KIF21B: variants seen among roughly 807,000 people sequenced by gnomAD.
KIF21B encodes the protein kinesin family member 21B.
In KIF21B, 85 loss-of-function variants were observed where a neutral mutation model predicts 192.9. The ratio of observed to expected loss-of-function variants is 0.44; its 90% CI spans 0.37 to 0.53. KIF21B has a LOEUF of 0.53. Among genes scored for constraint, KIF21B ranks in the 20% least tolerant of loss-of-function variants. KIF21B has a pLI of 0.00. For synonymous variants in KIF21B, 832 were observed against 884.6 expected (o/e 0.94, Z 1.05); for missense variants, 1,716 against 2,194.8 (o/e 0.78, Z 4.36).
chr1:201,014,071 C>T (rs1365007319), intron 1 of KIF21B, among the ~76,000 whole-genome samples: 1 of 152,236 alleles, frequency 6.6e-6, no homozygotes, highest in Admixed American at 6.5e-5. Context: ...GGAGGCTGAG[C>T]GGCGGGTAGA....
Position 200,999,838 on chromosome 1 carries a change from C to G in KIF21B, c.1767+45G>C. ...GGGCCCCCGCCAACCCCAGCAGGGACACAAGGCATGCATGTGGTGAGGTGG... is the reference window on the plus strand; with the variant it reads ...GGGCCCCCGCCAACCCCAGCAGGGAGACAAGGCATGCATGTGGTGAGGTGG... On this transcript the variant is annotated intron_variant, in intron 12 of 34. Transcript: ENST00000461742. The surrounding 1 kb of genome is among the most constrained non-coding windows in gnomAD (Gnocchi z 4.7). 1 of 1,603,464 alleles carries G rather than the reference C, an allele frequency of 6.2e-7. No individual in the cohort carries two copies. The highest frequency in any genetic ancestry group is 8.5e-7 in the Non-Finnish European group (1 of 1,172,796).
At position 200,990,469 on chromosome 1, in the gene KIF21B, A is replaced by G. The variant is rs1656611498; in HGVS notation, c.2835+107T>C. The G allele has an allele frequency of 6.7e-7, 1 of 1,490,716 alleles. No individual in the cohort carries two copies. The allele number at this position is 1,490,716 out of a possible 1,614,324, so 92.3% of individuals were successfully genotyped here. A position where few individuals can be genotyped will look rare whatever the true frequency, so the allele number is the denominator to read the frequency against. On this transcript the variant is annotated intron_variant, in intron 19 of 34. Transcript: ENST00000461742. This position sits in a 1 kb window ranked among gnomAD's most constrained non-coding sequence, Gnocchi z 5.4. Reference sequence around the variant, plus strand: ...TCTGGATTCCAGAGCAGGCAAAAGGAGCAGAGGGAAGTGGGGCAGGGAAAG... The same window carrying G: ...TCTGGATTCCAGAGCAGGCAAAAGGGGCAGAGGGAAGTGGGGCAGGGAAAG...
intron 15 of KIF21B, among the ~76,000 whole-genome samples, chr1:200,993,955 A>G (rs1656883958): frequency 1.5e-5 from 2 of 136,074 alleles, no homozygotes; most frequent in African/African-American, 5.5e-5. Flanking sequence ...CTCCCAAAGG[A>G]CTGGAAGAAC....
At chr1:201,004,640 T>C (rs1286539194) in intron 6 of KIF21B, 126 bp downstream of exon 6, 1 of 1,292,744 alleles carries the variant, frequency 7.7e-7, no homozygotes, top group South Asian at 1.3e-5. Flanking sequence ...GGGTGACGCC[T>C]GAGAGTGAAG....
At position 200,982,070 on chromosome 1, in the gene KIF21B, C is replaced by T. The variant is rs543021274; in HGVS notation, c.3843-974G>A. ...TGCCTGTGGCGCTTCTGGCACAGCT[C>T]CCCCCAGACTCTGCCAGGCCCACCC... On this transcript the variant is annotated intron_variant, in intron 28 of 34. Coordinates refer to ENST00000461742, the MANE Select transcript of KIF21B (RefSeq NM_001252102.2). The surrounding 1 kb of genome is among the most constrained non-coding windows in gnomAD (Gnocchi z 4.7). Among the ~76,000 whole-genome samples, 3 of 152,220 alleles carry T rather than the reference C, an allele frequency of 2.0e-5. No homozygotes were observed. The highest frequency in any genetic ancestry group is 4.8e-5 in the African/African-American group (2 of 41,550).
At position 200,999,488 on chromosome 1, in the gene KIF21B, G is replaced by A. The variant is rs1304110470; in HGVS notation, c.1768-22C>T. The A allele has an allele frequency of 1.2e-6, 2 of 1,610,710 alleles. No homozygotes were observed. Among genetic ancestry groups the A allele is most frequent in the East Asian group, 4.5e-5 (2 of 44,870 alleles). ...CCTCCTGGGCACCAGGCACCATTGG[G>A]GTGGGCCTGGCCTCAGAGAGGGGAG... On this transcript the variant is annotated intron_variant, in intron 12 of 34. Transcript: ENST00000461742. The surrounding 1 kb of genome is among the most constrained non-coding windows in gnomAD (Gnocchi z 4.7).
intron 26 of KIF21B, among the ~76,000 whole-genome samples, chr1:200,986,047 G>A (rs541685506): frequency 9.9e-5 from 15 of 151,498 alleles, no homozygotes; most frequent in South Asian, 4.2e-4. Flanking sequence ...GGGTTTCACT[G>A]TATTGCCCAG....
chr1:200,986,766 C>T (rs577984924), intron 26 of KIF21B, 78 bp downstream of exon 26: 1 of 1,244,154 alleles, frequency 8.0e-7, no homozygotes, highest in East Asian at 2.3e-5. Flanking sequence ...ATCAACAGAG[C>T]AGAACATCAT....
chr1:201,002,739 AAG>A (rs1267376743), intron 8 of KIF21B: 3 of 188,066 alleles, frequency 1.6e-5, no homozygotes. Flanking sequence ...GACTGGAACT[AAG>A]AGAGTCCCAG....
rs1172124588 is a variant in KIF21B at position 200,971,219 on chromosome 1, T to C, written c.*2302A>G. 2 of 152,726 alleles carry C rather than the reference T, an allele frequency of 1.3e-5. No homozygotes were observed. Among genetic ancestry groups the C allele is most frequent in the East Asian group, 1.9e-4 (1 of 5,316 alleles). The allele number at this position is 152,726 out of a possible 1,614,324, so 9.5% of individuals were successfully genotyped here. A position where few individuals can be genotyped will look rare whatever the true frequency, so the allele number is the denominator to read the frequency against. On this transcript the variant is annotated 3_prime_UTR_variant, in exon 35 of 35. Transcript: ENST00000461742. ...ATGAAGCACAACTCGGGGTGTCTCA[T>C]GGATGTTGGGCTCAGGGCTCCTGAA...
At chr1:200,986,421 G>A (rs1019486923) in intron 26 of KIF21B, among the ~76,000 whole-genome samples, 2 of 149,462 alleles carry the variant, frequency 1.3e-5, no homozygotes, top group Non-Finnish European at 3.0e-5. Flanking sequence ...GTAGTGGCAC[G>A]ATCTCAGCTC....
Position 201,001,109 on chromosome 1 carries a change from GAA to G in KIF21B, c.1403-331_1403-330del, listed in dbSNP as rs57228721. On this transcript the variant is annotated intron_variant, in intron 9 of 34. Coordinates refer to ENST00000461742, the MANE Select transcript of KIF21B (RefSeq NM_001252102.2). ...GCAACAAGAGCGAAACTCCGTCTCA[GAA>G]AAAAAAAAAAAAAAAAGATAAATAG... is the stretch of plus-strand genomic sequence containing the variant. Among the ~76,000 whole-genome samples, 685 of 117,020 alleles carry G rather than the reference GAA, an allele frequency of 5.9e-3. 2 individuals are homozygous for G. Among genetic ancestry groups the G allele is most frequent in the Middle Eastern group, 0.018 (4 of 218 alleles). 76.8% of individuals were successfully genotyped at this position (117,020 alleles called of 152,430 possible).
At chr1:201,007,175 CACACACAGACACAGAG>C (rs1657898250) in intron 3 of KIF21B, among the ~76,000 whole-genome samples, 2 of 145,118 alleles carry the variant, frequency 1.4e-5, no homozygotes. Flanking sequence ...CACACAGACA[CACACACAGACACAGAG>C]ACACACAGAC....
rs370854171 is a variant in KIF21B, at chr1:201,003,788, G to A, written c.1017-7C>T. 5 of 1,614,052 alleles carry A rather than the reference G, an allele frequency of 3.1e-6. No homozygotes were observed. The highest frequency in any genetic ancestry group is 2.2e-5 in the South Asian group (2 of 91,082). The stretch of plus-strand genomic sequence containing the variant: ...GGCGATCATGATGGTCTGGCTGGGG[G>A]TGCAGAAAGGCTGTTGTGAGGGTGA... On this transcript the variant is annotated splice_polypyrimidine_tract_variant and splice_region_variant and intron_variant, in intron 7 of 34. Coordinates refer to ENST00000461742, the MANE Select transcript of KIF21B (RefSeq NM_001252102.2).
chr1:201,016,038 A>C (rs1318832185), intron 1 of KIF21B, among the ~76,000 whole-genome samples: 3 of 152,242 alleles, frequency 2.0e-5, no homozygotes, highest in African/African-American at 7.2e-5. Context: ...ACACGAACAC[A>C]TGAAATGTGT....
rs756118030 is a variant in KIF21B, at chr1:201,005,408, C to A, written c.632G>T (p.Arg211Leu). Residue 211 changes from arginine to leucine, a missense_variant, in exon 5 of 35, where the codon CGC (arginine) becomes CTC (leucine). By Grantham distance (102) the Arg-to-Leu change is moderately radical (BLOSUM62 -2). Coordinates refer to ENST00000461742, the MANE Select transcript of KIF21B (RefSeq NM_001252102.2). ...IQCLKQGALS[R>L]TTASTQMNVQ... The stretch of plus-strand genomic sequence containing the variant: ...GTTCATCTGGGTGCTGGCTGTGGTG[C>A]GGGACAGGGCCCCCTGCTTCAGGCA... 1 of 1,611,834 alleles carries A rather than the reference C, an allele frequency of 6.2e-7. No individual in the cohort carries two copies. The highest frequency in any genetic ancestry group is 8.5e-7 in the Non-Finnish European group (1 of 1,178,888).
chr1:201,003,888 A>C lies in KIF21B; in HGVS notation c.1017-107T>G, dbSNP rs536839847. ...CCCATCCCATTCCCCCACTACCTTA[A>C]TGCCCAAAGCACGTGGGCATTCAGG... On this transcript the variant is annotated intron_variant, in intron 7 of 34. Coordinates refer to ENST00000461742, the MANE Select transcript of KIF21B (RefSeq NM_001252102.2). The C allele has an allele frequency of 1.0e-5, 12 of 1,161,894 alleles. 1 individual carries two copies. The East Asian group carries it at 1.2e-4, about 12-fold the overall frequency. The allele number at this position is 1,161,894 out of a possible 1,614,324, so 72.0% of individuals were successfully genotyped here.
intron 6 of KIF21B, 36 bp downstream of exon 6, chr1:201,004,730 G>A: frequency 6.2e-7 from 1 of 1,613,334 alleles, no homozygotes. Context: ...ACTGAGCTGT[G>A]TGGGTGCTGG....
rs1369281595 is a variant in KIF21B, at chr1:200,971,830, C to T, written c.*1691G>A. 6.6e-6 allele frequency: 1 copy of T among 152,438 alleles called. No individual in the cohort carries two copies. The highest frequency in any genetic ancestry group is 1.5e-5 in the Non-Finnish European group (1 of 68,218). 9.4% of individuals were successfully genotyped at this position (152,438 alleles called of 1,614,324 possible). ...GAAGGGACCAGGCCTCACTCAGCCT[C>T]CACTGGAGCCTGCCTCCCCCCAACA... On this transcript the variant is annotated 3_prime_UTR_variant, in exon 35 of 35. Transcript: ENST00000461742.
Sources: allele counts gnomAD v4.1 joint callset (sites outside exome capture counted in the v4.1 genomes callset), GRCh38; gene constraint gnomAD v4.1.1; non-coding constraint Gnocchi (gnomAD v3.1); transcripts MANE v1.5; gene names NCBI Gene and HGNC (gene_info 2026-07-23, HGNC 2026-07-21).